The following VRK2 variants were observed in gnomAD, a reference collection of about 807,000 sequenced individuals.
The protein encoded by VRK2 is serine/threonine-protein kinase VRK2.
Under a neutral mutation model 57.6 loss-of-function variants are expected in VRK2, and 60 were observed. The ratio of observed to expected loss-of-function variants is 1.04; its 90% CI spans 0.85 to 1.29. The LOEUF (loss-of-function observed/expected upper bound fraction) is 1.29. Ranked by LOEUF, VRK2 falls within the 50% of genes most tolerant of loss-of-function variation. The probability of loss-of-function intolerance (pLI) is 0.00; values close to 1 mark genes in which losing one functional copy is unlikely to be tolerated. For synonymous variants in VRK2, 231 were observed against 199.2 expected (o/e 1.16, Z -1.35); for missense variants, 705 against 588.1 (o/e 1.20, Z -2.06).
At chr2:58,151,149 T>C (rs1027564939) in intron 12 of VRK2, among the ~76,000 whole-genome samples, 3 of 151,804 alleles carry the variant, frequency 2.0e-5, no homozygotes, top group African/African-American at 7.2e-5. Context: ...CCTCGTTTTA[T>C]CATTTAATGA....
chr2:58,156,095 C>T (rs1380317259), intron 12 of VRK2, among the ~76,000 whole-genome samples: 1 of 151,982 alleles, frequency 6.6e-6, no homozygotes, highest in East Asian at 1.9e-4. Flanking sequence ...TCTTTAATTA[C>T]CAGAATAAGG....
chr2:58,090,014 A>G (rs1489123047), intron 7 of VRK2, among the ~76,000 whole-genome samples: 3 of 152,222 alleles, frequency 2.0e-5, no homozygotes, highest in Non-Finnish European at 4.4e-5. Flanking sequence ...AGAACCATCA[A>G]AATCCAGTGG....
At chr2:58,043,479 T>A (rs992272584), upstream of VRK2, among the ~76,000 whole-genome samples, 1 of 152,226 alleles carries the variant, frequency 6.6e-6, no homozygotes, top group South Asian at 2.1e-4. Context: ...CGATTTCGAA[T>A]AAATTATTAT....
chr2:58,074,109 A>G (rs1572956891), intron 2 of VRK2, among the ~76,000 whole-genome samples: 1 of 152,114 alleles, frequency 6.6e-6, no homozygotes, highest in African/African-American at 2.4e-5. Flanking sequence ...TAGCTACTGT[A>G]GCTTTCTTTT....
intron 1 of VRK2, among the ~76,000 whole-genome samples, chr2:57,977,951 C>T (rs1013548246): frequency 1.3e-5 from 2 of 151,012 alleles, no homozygotes; most frequent in Admixed American, 6.6e-5. Flanking sequence ...TATCTAAAGC[C>T]CTTTCTGCAT....
At chr2:58,004,742 C>T (rs1056202698) in intron 1 of VRK2, among the ~76,000 whole-genome samples, 3 of 152,096 alleles carry the variant, frequency 2.0e-5, no homozygotes, top group African/African-American at 7.2e-5. Flanking sequence ...GGTAATTTTT[C>T]TCTACCTAAC....
chr2:58,045,367 T>C (rs961522), upstream of VRK2, among the ~76,000 whole-genome samples: 103,838 of 151,994 alleles, frequency 0.68, 36,639 homozygotes, highest in African/African-American at 0.87. Flanking sequence ...TCTGCTGTGG[T>C]TGCTACTGGA....
intron 11 of VRK2, among the ~76,000 whole-genome samples, chr2:58,140,530 T>C (rs531658150): frequency 6.6e-6 from 1 of 152,130 alleles, no homozygotes; most frequent in South Asian, 2.1e-4. Context: ...GGCATTTTTT[T>C]CCTGATGCAT....
chr2:58,056,764 A>G (rs1055597142), intron 2 of VRK2, among the ~76,000 whole-genome samples: 55 of 152,112 alleles, frequency 3.6e-4, no homozygotes, highest in Non-Finnish European at 2.9e-5. Context: ...CTTTTATTGT[A>G]CTTGGTAATA....
chr2:58,158,185 C>CATA (rs1684285795), intron 12 of VRK2, among the ~76,000 whole-genome samples: 1 of 152,084 alleles, frequency 6.6e-6, no homozygotes, highest in Non-Finnish European at 1.5e-5. Flanking sequence ...GATTTGATAG[C>CATA]ATAATTATTA....
At chr2:58,064,644 G>A (rs995810171) in intron 2 of VRK2, among the ~76,000 whole-genome samples, 3 of 151,986 alleles carry the variant, frequency 2.0e-5, no homozygotes, top group East Asian at 1.9e-4. Flanking sequence ...TTGTGGAACC[G>A]AACCTGCAGT....
At chr2:57,947,575 G>C (rs1010880214) in intron 1 of VRK2, among the ~76,000 whole-genome samples, 3 of 152,162 alleles carry the variant, frequency 2.0e-5, no homozygotes, top group Admixed American at 1.3e-4. Flanking sequence ...GAGCCACCCA[G>C]AGGGTACTGT....
At chr2:57,987,924 T>C (rs1672648215) in intron 1 of VRK2, among the ~76,000 whole-genome samples, 1 of 152,126 alleles carries the variant, frequency 6.6e-6, no homozygotes, top group South Asian at 2.1e-4. Context: ...ACTTAAAAAC[T>C]TAATTTACAA....
chr2:58,048,487 T>G, intron 1 of VRK2: 1 of 1,135,034 alleles, frequency 8.8e-7, no homozygotes. Context: ...AAATTTATTT[T>G]CTTTCTTCAT....
intron 7 of VRK2, among the ~76,000 whole-genome samples, chr2:58,101,773 C>G (rs1558637414): frequency 2.0e-5 from 3 of 151,508 alleles, no homozygotes; most frequent in Non-Finnish European, 3.0e-5. Context: ...TGAATGTGAT[C>G]TCTTTGATAT....
chr2:58,068,569 T>C (rs1668939668), intron 2 of VRK2, among the ~76,000 whole-genome samples: 1 of 152,192 alleles, frequency 6.6e-6, no homozygotes, highest in African/African-American at 2.4e-5. Flanking sequence ...TATGTGTATA[T>C]AAAACTTGGA....
Position 58,047,533 on chromosome 2 carries a change from G to A in VRK2, c.-6+665G>A, listed in dbSNP as rs573478547. ...TGAGGCCGCTGCCTTGCCCCAAAGTGTATTTATCTTTTTTATAATTATTTA... is the reference window on the plus strand; with the variant it reads ...TGAGGCCGCTGCCTTGCCCCAAAGTATATTTATCTTTTTTATAATTATTTA... On this transcript the variant is annotated intron_variant, in intron 1 of 12. Coordinates refer to ENST00000340157, the MANE Select transcript of VRK2 (RefSeq NM_006296.7). 2.4e-5 allele frequency: 19 copies of A among 790,780 alleles called. No individual in the cohort carries two copies. The South Asian group carries it at 9.8e-4, about 41-fold the overall frequency. 49.0% of individuals were successfully genotyped at this position (790,780 alleles called of 1,614,324 possible).
At chr2:57,941,014 C>G (rs1671077441) in intron 1 of VRK2, among the ~76,000 whole-genome samples, 1 of 152,074 alleles carries the variant, frequency 6.6e-6, no homozygotes, top group African/African-American at 2.4e-5. Flanking sequence ...CTCCTGAGAA[C>G]AAGTACTGAT....
At chr2:58,137,255 T>C (rs78574859) in intron 10 of VRK2, among the ~76,000 whole-genome samples, 4,425 of 19,534 alleles carry the variant, frequency 0.23, 419 homozygotes, top group African/African-American at 0.34. Flanking sequence ...ATATATGATA[T>C]ATATGATATA....
Sources: gnomAD v4.1 joint callset for allele counts (sites outside exome capture counted in the v4.1 genomes callset) on GRCh38, gnomAD v4.1.1 for gene constraint, MANE v1.5 for transcripts, NCBI Gene and HGNC (gene_info 2026-07-23, HGNC 2026-07-21) for gene names.